DSCAM: variants seen among roughly 807,000 people sequenced by gnomAD.
DSCAM encodes the protein cell adhesion molecule DSCAM.
Under a neutral mutation model 217.7 loss-of-function variants are expected in DSCAM, and 47 were observed. The observed-to-expected ratio is 0.22, with a 90% CI of 0.17 to 0.28. The LOEUF (loss-of-function observed/expected upper bound fraction) is 0.28, where lower values mean the gene tolerates loss of function less well. Ranked by LOEUF, DSCAM falls within the 10% of genes least tolerant of loss-of-function variation. DSCAM has a pLI of 1.00. For missense variants in DSCAM, 2,080 were observed against 2,618.3 expected, an observed-to-expected ratio of 0.79 and a Z score of 4.49; for synonymous variants, 1,056 against 1,015.3, an observed-to-expected ratio of 1.04 and a Z score of -0.76.
intron 6 of DSCAM, among the ~76,000 whole-genome samples, chr21:40,346,266 T>G (rs952930532): frequency 2.0e-5 from 3 of 152,260 alleles, no homozygotes; most frequent in African/African-American, 7.2e-5. Context: ...ATGAATACCA[T>G]GCCTTCAGCT....
chr21:40,467,323 C>G (rs986804985), intron 3 of DSCAM, among the ~76,000 whole-genome samples: 1 of 152,218 alleles, frequency 6.6e-6, no homozygotes, highest in Non-Finnish European at 1.5e-5. Context: ...CTTAAACACA[C>G]ACACGCACAC....
chr21:40,460,781 A>T (rs2075799716), intron 3 of DSCAM, among the ~76,000 whole-genome samples: 1 of 152,234 alleles, frequency 6.6e-6, no homozygotes, highest in Non-Finnish European at 1.5e-5. Context: ...TCAGAACGGC[A>T]GAAATAATAA....
chr21:40,652,539 A>G (rs1052324107), intron 3 of DSCAM, among the ~76,000 whole-genome samples: 2 of 152,154 alleles, frequency 1.3e-5, no homozygotes, highest in African/African-American at 2.4e-5. Context: ...CCCTGAGTCA[A>G]GGACCTATCC....
intron 1 of DSCAM, among the ~76,000 whole-genome samples, chr21:40,739,203 A>G (rs1450363585): frequency 6.6e-6 from 1 of 152,202 alleles, no homozygotes; most frequent in Non-Finnish European, 1.5e-5. Context: ...AAACCTAGAC[A>G]GGCGACAAGA....
intron 3 of DSCAM, among the ~76,000 whole-genome samples, chr21:40,517,175 C>T (rs2076308025): frequency 6.7e-6 from 1 of 148,288 alleles, no homozygotes; most frequent in African/African-American, 2.5e-5. Flanking sequence ...TACCTATTCA[C>T]CTCATATACG....
chr21:40,111,487 C>T (rs981629948), intron 20 of DSCAM, among the ~76,000 whole-genome samples: 1 of 152,060 alleles, frequency 6.6e-6, no homozygotes, highest in African/African-American at 2.4e-5. Context: ...ACTGTCGAGG[C>T]TAGGAAGAAA....
At chr21:40,780,704 T>C (rs1296648715) in intron 1 of DSCAM, among the ~76,000 whole-genome samples, 2 of 151,722 alleles carry the variant, frequency 1.3e-5, no homozygotes, top group East Asian at 2.0e-4. Context: ...TGCAGGAACA[T>C]GTAGAGGGGT....
At chr21:40,801,958 A>G (rs2091745665) in intron 1 of DSCAM, among the ~76,000 whole-genome samples, 1 of 152,190 alleles carries the variant, frequency 6.6e-6, no homozygotes, top group African/African-American at 2.4e-5. Context: ...GAGCTGCTGC[A>G]GAGTCCTTAC....
At chr21:40,243,852 G>C (rs2073186302) in intron 11 of DSCAM, among the ~76,000 whole-genome samples, 1 of 152,066 alleles carries the variant, frequency 6.6e-6, no homozygotes, top group South Asian at 2.1e-4. Flanking sequence ...CAGTGTCATG[G>C]AGACGGTCTA....
intron 1 of DSCAM, among the ~76,000 whole-genome samples, chr21:40,713,435 C>T (rs768486919): frequency 2.0e-5 from 3 of 152,148 alleles, no homozygotes; most frequent in Non-Finnish European, 4.4e-5. Flanking sequence ...TTTAGTAAAA[C>T]CAAGAAGGTT....
At chr21:40,844,231 T>C (rs979845342) in intron 1 of DSCAM, among the ~76,000 whole-genome samples, 1 of 152,252 alleles carries the variant, frequency 6.6e-6, no homozygotes, top group African/African-American at 2.4e-5. Context: ...TGGATTCTTA[T>C]TTTATTTCAA....
intron 3 of DSCAM, among the ~76,000 whole-genome samples, chr21:40,388,446 G>A (rs2075105926): frequency 6.6e-6 from 1 of 151,994 alleles, no homozygotes; most frequent in Non-Finnish European, 1.5e-5. Context: ...TGTATTTGTG[G>A]GTGAAGAAAA....
At chr21:40,103,207 T>A (rs1371646416) in intron 20 of DSCAM, among the ~76,000 whole-genome samples, 1 of 152,212 alleles carries the variant, frequency 6.6e-6, no homozygotes, top group Non-Finnish European at 1.5e-5. Flanking sequence ...ATTAACTTTT[T>A]AATGAAAAAC....
intron 1 of DSCAM, among the ~76,000 whole-genome samples, chr21:40,735,234 G>A (rs770748173): frequency 6.6e-5 from 10 of 152,112 alleles, no homozygotes; most frequent in Non-Finnish European, 8.8e-5. Flanking sequence ...CACCTAGTAC[G>A]GCACTGATAC....
intron 2 of DSCAM, among the ~76,000 whole-genome samples, chr21:40,707,666 T>C (rs2090732695): frequency 6.6e-6 from 1 of 152,208 alleles, no homozygotes; most frequent in African/African-American, 2.4e-5. Flanking sequence ...TATTATATTA[T>C]GTCAGTCTAC....
chr21:40,667,548 T>C (rs1019362841), intron 3 of DSCAM, among the ~76,000 whole-genome samples: 3 of 152,204 alleles, frequency 2.0e-5, no homozygotes, highest in Non-Finnish European at 2.9e-5. Context: ...GGCTTGGCTG[T>C]GTCCTCACCA....
intron 3 of DSCAM, among the ~76,000 whole-genome samples, chr21:40,387,366 CAA>C (rs949482203): frequency 7.4e-6 from 1 of 135,664 alleles, no homozygotes; most frequent in African/African-American, 2.7e-5. Context: ...ATTGGACCTC[CAA>C]AAAAAAAAAA....
intron 8 of DSCAM, among the ~76,000 whole-genome samples, chr21:40,324,103 C>CAAAAAAAAAAAAAAAA (rs71330393): frequency 1.4e-3 from 39 of 27,942 alleles, no homozygotes; most frequent in South Asian, 7.1e-3. Flanking sequence ...AACTCTGTCT[C>CAAAAAAAAAAAAAAAA]AAAAAAAAAA....
chr21:40,151,539 T>G (rs969978588), intron 16 of DSCAM, among the ~76,000 whole-genome samples: 3 of 152,240 alleles, frequency 2.0e-5, no homozygotes, highest in Non-Finnish European at 4.4e-5. Context: ...CAGAAGATAT[T>G]CTTGCAGATG....
Sources: allele counts gnomAD v4.1 joint callset (sites outside exome capture counted in the v4.1 genomes callset), GRCh38; gene constraint gnomAD v4.1.1; transcripts MANE v1.5; gene names NCBI Gene and HGNC (gene_info 2026-07-23, HGNC 2026-07-21).